CALD1: variants seen among roughly 807,000 people sequenced by gnomAD.
CALD1 encodes the protein caldesmon 1.
In CALD1, 33 loss-of-function variants were observed where a neutral mutation model predicts 99.9. The observed-to-expected ratio is 0.33, with a 90% confidence interval of 0.25 to 0.44. CALD1 has a LOEUF of 0.44. Among genes scored for constraint, CALD1 ranks in the 20% least tolerant of loss-of-function variants. The pLI is 1.00. For synonymous variants in CALD1, 310 were observed against 325.0 expected (o/e 0.95, Z 0.50); for missense variants, 861 against 962.1 (o/e 0.89, Z 1.39).
At chr7:134,713,065 C>A in the CALD1 span, among the ~76,000 whole-genome samples, 4 of 152,192 alleles carry the variant, frequency 2.6e-5, no homozygotes, top group Admixed American at 2.6e-4. Flanking sequence ...TTTAAATCCA[C>A]CTTTCATATT....
At chr7:134,872,972 C>T (rs1431743097) in intron 3 of CALD1, among the ~76,000 whole-genome samples, 1 of 152,080 alleles carries the variant, frequency 6.6e-6, no homozygotes, top group African/African-American at 2.4e-5. Flanking sequence ...CACTTGAGGC[C>T]AGGAGTTCGA....
intron 2 of CALD1, among the ~76,000 whole-genome samples, chr7:134,866,549 A>T (rs911314861): frequency 6.6e-6 from 1 of 152,120 alleles, no homozygotes; most frequent in African/African-American, 2.4e-5. Flanking sequence ...AAATAATTGG[A>T]CAATTTATTT....
chr7:134,814,830 C>T (rs775851314), intron 1 of CALD1, among the ~76,000 whole-genome samples: 5 of 152,152 alleles, frequency 3.3e-5, no homozygotes, highest in Non-Finnish European at 5.9e-5. Context: ...TCAACAGAGT[C>T]AAGAAACCTG....
At chr7:134,729,831 T>C in the CALD1 span, among the ~76,000 whole-genome samples, 1 of 152,222 alleles carries the variant, frequency 6.6e-6, no homozygotes, top group African/African-American at 2.4e-5. Flanking sequence ...AAAGCAAAGA[T>C]AGCAACATGT....
intron 3 of CALD1, 111 bp downstream of exon 3, chr7:134,867,915 T>C: frequency 2.0e-6 from 1 of 511,998 alleles, no homozygotes; most frequent in East Asian, 3.4e-5. Context: ...CACACCAAAC[T>C]GTTCGCAAAA....
intron 1 of CALD1, among the ~76,000 whole-genome samples, chr7:134,829,394 G>C (rs1258906790): frequency 2.0e-5 from 3 of 152,194 alleles, no homozygotes; most frequent in Non-Finnish European, 4.4e-5. Flanking sequence ...AAAAATTGGT[G>C]TTTTCAGGGT....
At chr7:134,827,481 A>G (rs1168735309) in intron 1 of CALD1, among the ~76,000 whole-genome samples, 1 of 152,220 alleles carries the variant, frequency 6.6e-6, no homozygotes, top group Non-Finnish European at 1.5e-5. Flanking sequence ...CAACCATGCA[A>G]GGTAGGCATT....
At chr7:134,924,662 A>C (rs1159457206) in intron 3 of CALD1, among the ~76,000 whole-genome samples, 1 of 152,178 alleles carries the variant, frequency 6.6e-6, no homozygotes, top group Non-Finnish European at 1.5e-5. Flanking sequence ...CTTTGTAAAT[A>C]ATTTTAATAT....
At chr7:134,838,522 G>T (rs1470712711) in intron 1 of CALD1, among the ~76,000 whole-genome samples, 1 of 152,218 alleles carries the variant, frequency 6.6e-6, no homozygotes, top group African/African-American at 2.4e-5. Context: ...AAGATGATAA[G>T]TAGTCCCTGT....
chr7:134,740,427 C>CA (rs1796583069), upstream of CALD1, among the ~76,000 whole-genome samples: 1 of 151,958 alleles, frequency 6.6e-6, no homozygotes, highest in Admixed American at 6.6e-5. Flanking sequence ...TTTTTAGGTC[C>CA]AAAAAAGAAT....
chr7:134,835,138 AG>A (rs1799381576), intron 1 of CALD1, among the ~76,000 whole-genome samples: 2 of 152,230 alleles, frequency 1.3e-5, no homozygotes, highest in South Asian at 4.1e-4. Flanking sequence ...TAAAATGCTG[AG>A]GAATGACATC....
At chr7:134,763,249 T>A (rs6467556) in intron 1 of CALD1, among the ~76,000 whole-genome samples, 1 of 152,010 alleles carries the variant, frequency 6.6e-6, no homozygotes, top group South Asian at 2.1e-4. Flanking sequence ...CTATAAAACA[T>A]CAGGAAATAT....
chr7:134,832,613 CATA>C (rs2132084282), intron 1 of CALD1, among the ~76,000 whole-genome samples: 1 of 152,286 alleles, frequency 6.6e-6, no homozygotes, highest in African/African-American at 2.4e-5. Context: ...AGCCTAAGAA[CATA>C]ATAAGGGCAG....
intron 3 of CALD1, among the ~76,000 whole-genome samples, chr7:134,875,888 G>A (rs905372671): frequency 6.6e-5 from 10 of 152,170 alleles, no homozygotes; most frequent in Admixed American, 3.9e-4. Context: ...AGAGAAGATC[G>A]AGTTTCCCTG....
At chr7:134,773,204 C>T (rs1312363648) in intron 1 of CALD1, among the ~76,000 whole-genome samples, 1 of 150,888 alleles carries the variant, frequency 6.6e-6, no homozygotes, top group Non-Finnish European at 1.5e-5. Flanking sequence ...TGTAATTATG[C>T]AGTGTTTTTA....
intron 3 of CALD1, among the ~76,000 whole-genome samples, chr7:134,923,098 A>C (rs1311957123): frequency 6.6e-6 from 1 of 152,220 alleles, no homozygotes; most frequent in African/African-American, 2.4e-5. Context: ...CACACACACA[A>C]GATTATTTCT....
At chr7:134,857,101 A>T (rs1351005742) in intron 2 of CALD1, among the ~76,000 whole-genome samples, 1 of 151,696 alleles carries the variant, frequency 6.6e-6, no homozygotes, top group African/African-American at 2.4e-5. Context: ...CATGGGTATC[A>T]GTACAAACTC....
At position 134,783,205 on chromosome 7, in the gene CALD1, G is replaced by A. The variant is rs1355843013; in HGVS notation, c.-130+3456G>A. Among the ~76,000 whole-genome samples the A allele has an allele frequency of 6.6e-6, 1 of 152,172 alleles. No homozygotes were observed. Among genetic ancestry groups the A allele is most frequent in the Non-Finnish European group, 1.5e-5 (1 of 68,034 alleles). On this transcript the variant is annotated intron_variant, in intron 1 of 14. Coordinates refer to ENST00000361675, the MANE Select transcript of CALD1 (RefSeq NM_033138.4). This position sits in a 1 kb window ranked among gnomAD's most constrained non-coding sequence, Gnocchi z 4.3. ...TGGTATTGAAACCAGACTGCTCCAC[G>A]GAGCTCGCCTCTCACCTCTTTGCTT...
chr7:134,864,084 C>T (rs1356735570), intron 2 of CALD1, among the ~76,000 whole-genome samples: 2 of 152,156 alleles, frequency 1.3e-5, no homozygotes, highest in Non-Finnish European at 2.9e-5. Flanking sequence ...GGTGCGGTGG[C>T]TCATGCCTGT....
Sources: gnomAD v4.1 joint callset for allele counts (sites outside exome capture counted in the v4.1 genomes callset) on GRCh38, gnomAD v4.1.1 for gene constraint, Gnocchi (gnomAD v3.1) non-coding constraint, MANE v1.5 for transcripts, NCBI Gene and HGNC (gene_info 2026-07-23, HGNC 2026-07-21) for gene names.